Variants in OTUD7A observed in about 807,000 individuals in gnomAD.
The protein encoded by OTUD7A is OTU domain-containing protein 7A.
Under a neutral mutation model 65.7 loss-of-function variants are expected in OTUD7A, and 12 were observed. The ratio of observed to expected loss-of-function variants is 0.18; its 90% CI spans 0.12 to 0.30. The LOEUF is 0.30. Ranked by LOEUF, OTUD7A falls within the 10% of genes least tolerant of loss-of-function variation. The probability of loss-of-function intolerance (pLI) is 1.00; values close to 1 mark genes in which losing one functional copy is unlikely to be tolerated. For missense variants in OTUD7A, 1,148 were observed against 1,304.8 expected, an observed-to-expected ratio of 0.88 and a Z score of 1.85; for synonymous variants, 641 against 586.3, an observed-to-expected ratio of 1.09 and a Z score of -1.35.
At chr15:31,838,638 T>C (rs886907202) in intron 1 of OTUD7A, among the ~76,000 whole-genome samples, 5 of 144,308 alleles carry the variant, frequency 3.5e-5, no homozygotes, top group Admixed American at 7.4e-5. Flanking sequence ...TGCTACACTA[T>C]TCCTAACTGA....
At chr15:31,850,164 T>C (rs974105478) in intron 1 of OTUD7A, among the ~76,000 whole-genome samples, 10 of 152,196 alleles carry the variant, frequency 6.6e-5, no homozygotes, top group African/African-American at 2.4e-4. Context: ...CTAACCCAAA[T>C]GTCCATCAAT....
intron 1 of OTUD7A, among the ~76,000 whole-genome samples, chr15:31,779,438 T>G (rs188500528): frequency 9.9e-4 from 151 of 152,372 alleles, no homozygotes; most frequent in African/African-American, 3.5e-3. Flanking sequence ...TGCCAACCTG[T>G]TACATTAGAA....
At chr15:31,548,503 G>C (rs1292655240) in intron 5 of OTUD7A, among the ~76,000 whole-genome samples, 1 of 152,088 alleles carries the variant, frequency 6.6e-6, no homozygotes, top group Non-Finnish European at 1.5e-5. Context: ...TCGTGGCATG[G>C]GCAGGATGAG....
intron 3 of OTUD7A, among the ~76,000 whole-genome samples, chr15:31,581,226 T>C (rs976597159): frequency 3.3e-5 from 5 of 152,254 alleles, no homozygotes; most frequent in African/African-American, 1.2e-4. Context: ...CCCATGGTCT[T>C]GGGCAGCTCC....
intron 1 of OTUD7A, among the ~76,000 whole-genome samples, chr15:31,780,345 T>C (rs1237913697): frequency 6.6e-6 from 1 of 152,240 alleles, no homozygotes; most frequent in African/African-American, 2.4e-5. Context: ...GGCTGTCTTT[T>C]GGAAATTAAG....
intron 5 of OTUD7A, among the ~76,000 whole-genome samples, chr15:31,554,769 C>T (rs1026421477): frequency 2.0e-5 from 3 of 152,184 alleles, no homozygotes; most frequent in Non-Finnish European, 4.4e-5. Context: ...CCCCGGTCTC[C>T]GAGCCATCTC....
chr15:31,618,735 C>T (rs1433413158), intron 3 of OTUD7A, among the ~76,000 whole-genome samples: 2 of 152,138 alleles, frequency 1.3e-5, no homozygotes, highest in Non-Finnish European at 2.9e-5. Flanking sequence ...TGCCTGTTCA[C>T]TCTGATGGTA....
At chr15:31,812,404 T>C (rs1445385353) in intron 1 of OTUD7A, among the ~76,000 whole-genome samples, 1 of 152,168 alleles carries the variant, frequency 6.6e-6, no homozygotes, top group East Asian at 1.9e-4. Flanking sequence ...AGGACAGAAT[T>C]TAAATTACTC....
chr15:31,526,678 GC>G (rs1182210970), intron 7 of OTUD7A, among the ~76,000 whole-genome samples: 1 of 152,190 alleles, frequency 6.6e-6, no homozygotes, highest in Non-Finnish European at 1.5e-5. Flanking sequence ...CTGGGAATCT[GC>G]CCACCAACAA....
At chr15:31,601,368 A>G (rs1472643506) in intron 3 of OTUD7A, among the ~76,000 whole-genome samples, 1 of 152,188 alleles carries the variant, frequency 6.6e-6, no homozygotes, top group Non-Finnish European at 1.5e-5. Context: ...CTCCTGGGTA[A>G]ATAATGAAAT....
intron 8 of OTUD7A, among the ~76,000 whole-genome samples, chr15:31,516,083 C>CA (rs1469681568): frequency 6.6e-6 from 1 of 152,230 alleles, no homozygotes; most frequent in African/African-American, 2.4e-5. Flanking sequence ...TGTGCTAGGG[C>CA]AAAGGCATGG....
At chr15:31,596,547 G>GT in intron 3 of OTUD7A, among the ~76,000 whole-genome samples, 1 of 152,128 alleles carries the variant, frequency 6.6e-6, no homozygotes, top group Middle Eastern at 3.2e-3. Context: ...TTTTAATTTT[G>GT]TAAGAAACCA....
chr15:31,743,740 CA>C (rs796828479), intron 1 of OTUD7A, among the ~76,000 whole-genome samples: 26 of 137,600 alleles, frequency 1.9e-4, no homozygotes, highest in Non-Finnish European at 2.2e-4. Context: ...AACCCCATCT[CA>C]AAAAAAAAAG....
At chr15:31,731,082 G>A (rs17684314) in intron 1 of OTUD7A, among the ~76,000 whole-genome samples, 17,892 of 152,254 alleles carry the variant, frequency 0.12, 1,446 homozygotes, top group East Asian at 0.44. Context: ...AGACTCCTGG[G>A]ATAATGCATT....
chr15:31,720,776 C>T (rs1458165605), intron 1 of OTUD7A, among the ~76,000 whole-genome samples: 1 of 150,954 alleles, frequency 6.6e-6, no homozygotes, highest in Non-Finnish European at 1.5e-5. Context: ...AGTGTAATGT[C>T]CTGGCCTTCA....
chr15:31,589,962 G>T (rs1283280760), intron 3 of OTUD7A, among the ~76,000 whole-genome samples: 2 of 152,004 alleles, frequency 1.3e-5, no homozygotes, highest in Non-Finnish European at 2.9e-5. Context: ...CTTTCAATTT[G>T]GTTATATATA....
intron 3 of OTUD7A, among the ~76,000 whole-genome samples, chr15:31,643,906 C>T (rs1358391602): frequency 1.3e-5 from 2 of 152,180 alleles, no homozygotes; most frequent in Non-Finnish European, 2.9e-5. Context: ...CACTCCTCTT[C>T]TAATAGAAAG....
intron 1 of OTUD7A, among the ~76,000 whole-genome samples, chr15:31,829,580 GC>G (rs1896881746): frequency 6.6e-6 from 1 of 152,192 alleles, no homozygotes; most frequent in Non-Finnish European, 1.5e-5. Flanking sequence ...GTAATGCGAG[GC>G]AAGTAAATGC....
At chr15:31,736,426 G>T (rs1332212047) in intron 1 of OTUD7A, among the ~76,000 whole-genome samples, 1 of 152,140 alleles carries the variant, frequency 6.6e-6, no homozygotes, top group East Asian at 1.9e-4. Context: ...AATGTTTAAA[G>T]ATGTAAGTAA....
Sources: gnomAD v4.1 joint callset for allele counts (sites outside exome capture counted in the v4.1 genomes callset) on GRCh38, gnomAD v4.1.1 for gene constraint, MANE v1.5 for transcripts, NCBI Gene and HGNC (gene_info 2026-07-23, HGNC 2026-07-21) for gene names.